MLKL: variants seen among roughly 807,000 people sequenced by gnomAD.
MLKL encodes mixed lineage kinase domain like pseudokinase.
In MLKL, 55 loss-of-function variants were observed where a neutral mutation model predicts 56.5. That is an observed-to-expected ratio of 0.97 (90% CI 0.78 to 1.22). MLKL has a LOEUF of 1.22. MLKL is among the 50% of genes most tolerant of loss of function. The probability of loss-of-function intolerance (pLI) is 0.00; values close to 1 mark genes in which losing one functional copy is unlikely to be tolerated. For synonymous variants in MLKL, 251 were observed against 208.3 expected (o/e 1.20, Z -1.76); for missense variants, 694 against 573.9 (o/e 1.21, Z -2.14).
chr16:74,687,981 A>T (rs1312658793), intron 4 of MLKL, among the ~76,000 whole-genome samples: 3 of 152,140 alleles, frequency 2.0e-5, no homozygotes, highest in African/African-American at 4.8e-5. Context: ...GCCCGCCACC[A>T]CACCTGGCTA....
At position 74,679,116 on chromosome 16, in the gene MLKL, G is replaced by A. The variant is rs1408435621; in HGVS notation, c.957-136C>T. 9.2e-6 allele frequency: 6 copies of A among 655,002 alleles called. No individual in the cohort carries two copies. In the Admixed American group the frequency reaches 1.3e-4, roughly 14 times the overall value. The allele number at this position is 655,002 out of a possible 1,614,324, so 40.6% of individuals were successfully genotyped here. A position where few individuals can be genotyped will look rare whatever the true frequency, so the allele number is the denominator to read the frequency against. ...ACAGTTACACAGGAAAAACTGGGAT[G>A]TAGAGGCAAGGTTTGAGAATCACAA... On this transcript the variant is annotated intron_variant, in intron 6 of 10. Transcript: ENST00000308807.
At chr16:74,699,989 C>T (rs370842244) in intron 1 of MLKL, among the ~76,000 whole-genome samples, 2 of 151,684 alleles carry the variant, frequency 1.3e-5, no homozygotes, top group Non-Finnish European at 2.9e-5. Flanking sequence ...TCATATGTTA[C>T]GATGAGAAAA....
chr16:74,693,472 AAGAAAAAAG>A (rs1337318438), intron 2 of MLKL, among the ~76,000 whole-genome samples: 16 of 95,258 alleles, frequency 1.7e-4, no homozygotes, highest in African/African-American at 6.5e-4. Flanking sequence ...AAAAAAAGAA[AAGAAAAAAG>A]AAAGAAAGAA....
chr16:74,691,265 A>G lies in MLKL; in HGVS notation c.722+12T>C. 6.2e-7 allele frequency: 1 copy of G among 1,604,220 alleles called. No homozygotes were observed. Among genetic ancestry groups the G allele is most frequent in the South Asian group, 1.1e-5 (1 of 89,804 alleles). On this transcript the variant is annotated intron_variant, in intron 4 of 10. Transcript: ENST00000308807. ...ATTGGTACACACGAGAGAACCACAC[A>G]AAACAACTTACGCAATGCTGCCAGC...
chr16:74,699,168 C>T (rs1302260367), intron 1 of MLKL, among the ~76,000 whole-genome samples: 1 of 151,866 alleles, frequency 6.6e-6, no homozygotes, highest in East Asian at 1.9e-4. Context: ...CAAAACAAAG[C>T]TTGAAGAAAG....
At chr16:74,672,910 C>T (rs759911176) in intron 10 of MLKL, among the ~76,000 whole-genome samples, 2 of 152,152 alleles carry the variant, frequency 1.3e-5, no homozygotes, top group Non-Finnish European at 2.9e-5. Context: ...CTCATCCACC[C>T]CAAAGACCAA....
chr16:74,678,155 A>C (rs1025293384), intron 7 of MLKL: 1 of 152,360 alleles, frequency 6.6e-6, no homozygotes, highest in African/African-American at 2.4e-5. Flanking sequence ...TGACAAAGAG[A>C]GTATCTCCTG....
chr16:74,687,182 G>A (rs1960383639), intron 4 of MLKL, among the ~76,000 whole-genome samples: 3 of 151,912 alleles, frequency 2.0e-5, no homozygotes, highest in Admixed American at 2.0e-4. Flanking sequence ...CACCATGTTG[G>A]CCAGACTAGT....
chr16:74,696,984 CAT>C (rs1189810272), intron 1 of MLKL, among the ~76,000 whole-genome samples: 1 of 139,752 alleles, frequency 7.2e-6, no homozygotes, highest in South Asian at 2.2e-4. Context: ...TGTAATATTA[CAT>C]ATATAGTAAT....
rs770081045 is a variant in MLKL, at chr16:74,678,907, G to T, written c.1030C>A (p.Gln344Lys). 8 of 1,614,006 alleles carry T rather than the reference G, an allele frequency of 5.0e-6. No homozygotes were observed. Among genetic ancestry groups the T allele is most frequent in the South Asian group, 1.1e-5 (1 of 91,064 alleles). ...SSNFLVTQGY[Q>K]VKLAGFELRK... is the part of the protein sequence containing the mutation. ...CCGCAAGGCACACTCACCTTCACTT[G>T]GTAGCCTTGAGTTACCAGGAAGTTT... The change falls in exon 7 of 11, where the codon CAA (glutamine) becomes AAA (lysine). Residue 344 changes from glutamine (Q) to lysine (K), a missense_variant. By Grantham distance (53) the Gln-to-Lys change is moderately conservative (BLOSUM62 1). Coordinates refer to ENST00000308807, the MANE Select transcript of MLKL (RefSeq NM_152649.4).
At chr16:74,678,774 T>C in intron 7 of MLKL, 125 bp downstream of exon 7, 1 of 716,708 alleles carries the variant, frequency 1.4e-6, no homozygotes, top group East Asian at 2.8e-5. Context: ...AGAAAGAGAC[T>C]CTGTCTCTAA....
chr16:74,676,447 G>A (rs1237207484), intron 7 of MLKL: 1 of 985,294 alleles, frequency 1.0e-6, no homozygotes, highest in South Asian at 4.7e-5. Context: ...GTGAGAAAAG[G>A]GATAAGGCAC....
intron 7 of MLKL, 106 bp from the exon 8 acceptor site, chr16:74,675,870 T>G (rs1473572803): frequency 8.1e-7 from 1 of 1,229,032 alleles, no homozygotes; most frequent in African/African-American, 1.5e-5. Flanking sequence ...TCTTTTACCT[T>G]AGGGATTTAT....
At chr16:74,696,562 G>T (rs1370521790) in intron 1 of MLKL, among the ~76,000 whole-genome samples, 1 of 151,786 alleles carries the variant, frequency 6.6e-6, no homozygotes, top group African/African-American at 2.4e-5. Context: ...AGAGACAGGA[G>T]GATTGCTTGA....
intron 3 of MLKL, 33 bp downstream of exon 3, chr16:74,692,309 C>A: frequency 6.3e-7 from 1 of 1,576,058 alleles, no homozygotes; most frequent in Non-Finnish European, 8.7e-7. Flanking sequence ...AGTTTGGGGG[C>A]CATCAGAAAC....
At chr16:74,684,564 G>A (rs1024732018) in intron 5 of MLKL, among the ~76,000 whole-genome samples, 1 of 150,538 alleles carries the variant, frequency 6.6e-6, no homozygotes, top group Non-Finnish European at 1.5e-5. Flanking sequence ...GCATGATCTC[G>A]GCTCACTGCA....
chr16:74,687,992 A>AT (rs1374826412), intron 4 of MLKL, among the ~76,000 whole-genome samples: 7 of 151,924 alleles, frequency 4.6e-5, no homozygotes, highest in Non-Finnish European at 7.4e-5. Context: ...CACCTGGCTA[A>AT]TTTTTTGTAT....
intron 5 of MLKL, among the ~76,000 whole-genome samples, chr16:74,683,509 T>C (rs1423818537): frequency 2.0e-5 from 3 of 150,584 alleles, no homozygotes; most frequent in Admixed American, 1.3e-4. Context: ...GGCAGGAGAA[T>C]TGCTTGAACC....
chr16:74,679,722 T>C (rs866347857), intron 6 of MLKL, among the ~76,000 whole-genome samples: 22 of 152,060 alleles, frequency 1.4e-4, no homozygotes, highest in Admixed American at 2.6e-4. Flanking sequence ...TGCTAAAGCA[T>C]GAGAATCACT....
Sources: allele counts gnomAD v4.1 joint callset (sites outside exome capture counted in the v4.1 genomes callset), GRCh38; gene constraint gnomAD v4.1.1; transcripts MANE v1.5; gene names NCBI Gene and HGNC (gene_info 2026-07-23, HGNC 2026-07-21).